Variants in CYTH1 observed in about 807,000 individuals in gnomAD.
CYTH1 encodes cytohesin-1.
A neutral mutation model predicts 61.8 loss-of-function variants in CYTH1; 18 were observed. The observed-to-expected ratio is 0.29, with a 90% CI of 0.20 to 0.43. The LOEUF is 0.43. Among genes scored for constraint, CYTH1 ranks in the 20% least tolerant of loss-of-function variants. CYTH1 has a pLI of 1.00. For missense variants in CYTH1, 336 were observed against 510.5 expected (o/e 0.66, Z 3.29); for synonymous variants, 174 against 184.3 (o/e 0.94, Z 0.45).
chr17:78,695,998 G>T lies in CYTH1; in HGVS notation c.814+9C>A, dbSNP rs773979764. The T allele has an allele frequency of 1.2e-5, 17 of 1,367,748 alleles. No individual in the cohort carries two copies. The East Asian group carries it at 6.8e-4, about 55-fold the overall frequency. 84.7% of individuals were successfully genotyped at this position (1,367,748 alleles called of 1,614,324 possible). ...AGCAGAGCGAGCGAGCAGGCTGAGG[G>T]TTACATACCTCCTGGAGTTTGGGGC... is the stretch of plus-strand genomic sequence containing the variant. On this transcript the variant is annotated intron_variant, in intron 10 of 13. Coordinates refer to ENST00000446868, the MANE Select transcript of CYTH1 (RefSeq NM_004762.6).
intron 1 of CYTH1, among the ~76,000 whole-genome samples, chr17:78,750,576 AG>A (rs2093376020): frequency 6.6e-6 from 1 of 152,174 alleles, no homozygotes; most frequent in Non-Finnish European, 1.5e-5. Flanking sequence ...TGGGAGGCCT[AG>A]GCGGGTGGAT....
At chr17:78,779,261 G>A (rs922992280) in intron 1 of CYTH1, among the ~76,000 whole-genome samples, 6 of 152,016 alleles carry the variant, frequency 3.9e-5, no homozygotes, top group Admixed American at 1.3e-4. Flanking sequence ...TTAGCCAGGC[G>A]TGGTGGCGCA....
chr17:78,766,321 TGA>T (rs1482175372), intron 1 of CYTH1, among the ~76,000 whole-genome samples: 1 of 152,178 alleles, frequency 6.6e-6, no homozygotes, highest in African/African-American at 2.4e-5. Flanking sequence ...TGAAAATGGC[TGA>T]GAGACAAGCT....
At chr17:78,782,051 C>T in intron 1 of CYTH1, 151 bp downstream of exon 1, 1 of 652,430 alleles carries the variant, frequency 1.5e-6, no homozygotes, top group Non-Finnish European at 2.0e-6. Flanking sequence ...GAGGGCCCCG[C>T]GCACCGCTCG....
intron 1 of CYTH1, among the ~76,000 whole-genome samples, chr17:78,757,608 A>C (rs957635202): frequency 6.6e-6 from 1 of 152,106 alleles, no homozygotes; most frequent in Non-Finnish European, 1.5e-5. Flanking sequence ...GCAGGAAAAA[A>C]TTTTAATTAT....
At chr17:78,732,076 T>C (rs2093297913) in intron 1 of CYTH1, among the ~76,000 whole-genome samples, 1 of 152,244 alleles carries the variant, frequency 6.6e-6, no homozygotes, top group African/African-American at 2.4e-5. Context: ...GGGCCACTCC[T>C]GCTCCAACTC....
intron 10 of CYTH1, among the ~76,000 whole-genome samples, chr17:78,693,265 C>G (rs542114266): frequency 6.6e-6 from 1 of 152,112 alleles, no homozygotes; most frequent in Non-Finnish European, 1.5e-5. Flanking sequence ...CAAGCTCTGG[C>G]GGTGGTGGCT....
intron 3 of CYTH1, among the ~76,000 whole-genome samples, chr17:78,704,908 C>CA (rs1012941557): frequency 6.6e-6 from 1 of 152,204 alleles, no homozygotes; most frequent in African/African-American, 2.4e-5. Flanking sequence ...CCCCTGTCAA[C>CA]AGCTGCCTTA....
At chr17:78,731,773 A>C (rs28702768) in intron 1 of CYTH1, among the ~76,000 whole-genome samples, 1 of 148,316 alleles carries the variant, frequency 6.7e-6, no homozygotes, top group Non-Finnish European at 1.5e-5. Flanking sequence ...AAAAAAAAAC[A>C]AAAAAAAACA....
intron 1 of CYTH1, among the ~76,000 whole-genome samples, chr17:78,761,345 AC>A (rs2093427862): frequency 6.6e-6 from 1 of 152,170 alleles, no homozygotes; most frequent in South Asian, 2.1e-4. Context: ...GTGATGTGTA[AC>A]CTATTTTTGT....
chr17:78,683,273 CA>C (rs2092782456), intron 11 of CYTH1, among the ~76,000 whole-genome samples: 1 of 152,176 alleles, frequency 6.6e-6, no homozygotes, highest in South Asian at 2.1e-4. Flanking sequence ...CCCTCTCTCT[CA>C]TCCAAGTTGC....
At chr17:78,728,626 GA>G (rs1216681904) in intron 1 of CYTH1, among the ~76,000 whole-genome samples, 1 of 152,062 alleles carries the variant, frequency 6.6e-6, no homozygotes, top group South Asian at 2.1e-4. Flanking sequence ...CTTCACATGG[GA>G]AAAAATATAT....
chr17:78,767,233 C>T (rs1483156822), intron 1 of CYTH1, among the ~76,000 whole-genome samples: 5 of 152,038 alleles, frequency 3.3e-5, no homozygotes, highest in Non-Finnish European at 7.4e-5. Context: ...TTTGGGAGTC[C>T]GAGATGGGAA....
intron 1 of CYTH1, chr17:78,727,727 C>T (rs747471629): frequency 2.1e-5 from 10 of 471,016 alleles, no homozygotes; most frequent in South Asian, 7.7e-5. Flanking sequence ...CTGGTGCCAA[C>T]TCAGTGTGTT....
At chr17:78,707,602 G>A (rs2093081334) in intron 3 of CYTH1, among the ~76,000 whole-genome samples, 1 of 151,916 alleles carries the variant, frequency 6.6e-6, no homozygotes, top group Non-Finnish European at 1.5e-5. Flanking sequence ...CACCGACAGT[G>A]GACAACAGAG....
intron 11 of CYTH1, among the ~76,000 whole-genome samples, chr17:78,683,371 T>C (rs535960894): frequency 1.3e-5 from 2 of 152,324 alleles, no homozygotes; most frequent in South Asian, 2.1e-4. Flanking sequence ...GTTGTCCCAT[T>C]TGAAGAGTGG....
intron 1 of CYTH1, among the ~76,000 whole-genome samples, chr17:78,710,472 C>A (rs2093117618): frequency 6.6e-6 from 1 of 152,146 alleles, no homozygotes; most frequent in Non-Finnish European, 1.5e-5. Flanking sequence ...CCACCTATAC[C>A]AACAGGAGAT....
chr17:78,701,726 G>A lies in CYTH1; in HGVS notation c.382C>T (p.His128Tyr). 1 of 1,614,174 alleles carries A rather than the reference G, an allele frequency of 6.2e-7. No individual in the cohort carries two copies. Among genetic ancestry groups the A allele is most frequent in the Non-Finnish European group, 8.5e-7 (1 of 1,180,040 alleles). The part of the protein sequence containing the change: ...ERDEFNIQVL[H>Y]AFVELHEFTD... ...AACTCATGCAGCTCCACAAATGCAT[G>A]AAGAACCTGGATATTAAACTCATCT... Residue 128 changes from histidine to tyrosine, a missense_variant, in exon 6 of 14, where the codon CAT becomes TAT. By Grantham distance (83) the His-to-Tyr change is moderately conservative. This residue lies in a region of CYTH1 where 125 missense variants were observed against 209.9 expected (regional missense o/e 0.60). Transcript: ENST00000446868.
intron 13 of CYTH1, chr17:78,677,374 C>T: frequency 4.4e-6 from 1 of 227,354 alleles, no homozygotes; most frequent in East Asian, 1.5e-4. Flanking sequence ...TGCGGTCGGA[C>T]ACCAGGCCCC....
Sources: gnomAD v4.1 joint callset for allele counts (sites outside exome capture counted in the v4.1 genomes callset) on GRCh38, gnomAD v4.1.1 for gene constraint, gnomAD v4.1.1 regional missense constraint, MANE v1.5 for transcripts, NCBI Gene and HGNC (gene_info 2026-07-23, HGNC 2026-07-21) for gene names.